ITGA8: variants seen among roughly 807,000 people sequenced by gnomAD.
ITGA8 encodes integrin subunit alpha 8.
ITGA8 carries 91 observed loss-of-function variants against 142.3 expected under a neutral mutation model. The observed-to-expected ratio is 0.64, with a 90% confidence interval of 0.54 to 0.76. ITGA8 has a LOEUF of 0.76. Among genes scored for constraint, ITGA8 ranks in the 30% least tolerant of loss-of-function variants. The pLI is 0.00. For missense variants in ITGA8, 1,406 were observed against 1,327.7 expected (o/e 1.06, Z -0.92); for synonymous variants, 505 against 485.2 (o/e 1.04, Z -0.54).
chr10:15,629,048 C>T (rs1293439064), intron 13 of ITGA8, among the ~76,000 whole-genome samples: 1 of 151,722 alleles, frequency 6.6e-6, no homozygotes, highest in Non-Finnish European at 1.5e-5. Flanking sequence ...AATTTAGGTA[C>T]CCCTACTCAC....
intron 23 of ITGA8, among the ~76,000 whole-genome samples, chr10:15,575,944 T>C (rs1193253386): frequency 6.8e-6 from 1 of 147,558 alleles, no homozygotes; most frequent in Admixed American, 6.7e-5. Flanking sequence ...TGAGAACGTG[T>C]GTGTGTGTGT....
intron 27 of ITGA8, among the ~76,000 whole-genome samples, chr10:15,532,334 G>T (rs1355133612): frequency 1.4e-5 from 2 of 142,208 alleles, no homozygotes; most frequent in Non-Finnish European, 3.0e-5. Context: ...CGGGAGAGTT[G>T]CTTGAACCTG....
chr10:15,669,569 C>T (rs558798586), intron 8 of ITGA8, among the ~76,000 whole-genome samples: 1 of 152,198 alleles, frequency 6.6e-6, no homozygotes, highest in African/African-American at 2.4e-5. Context: ...TGAGAGGCTG[C>T]GTTCCTTTGG....
At chr10:15,579,589 A>G (rs764515999) in intron 23 of ITGA8, among the ~76,000 whole-genome samples, 6 of 152,100 alleles carry the variant, frequency 3.9e-5, no homozygotes, top group Non-Finnish European at 7.4e-5. Flanking sequence ...ATATACATTA[A>G]TTGTAAATTT....
At chr10:15,708,783 TC>T (rs1404971369) in intron 2 of ITGA8, among the ~76,000 whole-genome samples, 1 of 152,144 alleles carries the variant, frequency 6.6e-6, no homozygotes, top group Non-Finnish European at 1.5e-5. Context: ...AATGTCAATT[TC>T]AGGTGGAAGC....
intron 26 of ITGA8, among the ~76,000 whole-genome samples, chr10:15,551,571 GA>G (rs1425571988): frequency 6.6e-6 from 1 of 152,134 alleles, no homozygotes; most frequent in Non-Finnish European, 1.5e-5. Context: ...CCCACTATGA[GA>G]AAGGGAAGGG....
rs1249163090 is a variant in ITGA8 at position 15,558,158 on chromosome 10, C to T, written c.2682G>A (p.Leu894=). Reference sequence around the variant, plus strand: ...CAAGATGAGGAATAGTAGAGTTTCGCAAAAAGGCGCTGAGCTCAGGGGTGT... The same window carrying T: ...CAAGATGAGGAATAGTAGAGTTTCGTAAAAAGGCGCTGAGCTCAGGGGTGT... The part of the protein sequence containing the change: ...PEDTPELSAF[L]RNSTIPHLVR... Residue 894 remains leucine (L), a synonymous_variant, in exon 26 of 30, where the codon TTG becomes TTA. Coordinates refer to ENST00000378076, the MANE Select transcript of ITGA8 (RefSeq NM_003638.3). 1.2e-6 allele frequency: 2 copies of T among 1,614,198 alleles called. No individual in the cohort carries two copies. Among genetic ancestry groups the T allele is most frequent in the East Asian group, 2.2e-5 (1 of 44,880 alleles).
At chr10:15,535,699 C>G (rs578188588) in intron 27 of ITGA8, among the ~76,000 whole-genome samples, 1 of 152,124 alleles carries the variant, frequency 6.6e-6, no homozygotes, top group Non-Finnish European at 1.5e-5. Context: ...CCACTGGGCT[C>G]TCTGTAAAAT....
chr10:15,681,955 A>C (rs1834745393), intron 4 of ITGA8, among the ~76,000 whole-genome samples: 1 of 152,194 alleles, frequency 6.6e-6, no homozygotes, highest in Non-Finnish European at 1.5e-5. Flanking sequence ...TATCTTTAGC[A>C]TAACAATACT....
In ITGA8 at chr10:15,531,095, C is replaced by T; in HGVS notation, c.2937G>A (p.Met979Ile). ...GTTTTGCTGGCTGATCTGTATAAGG[C>T]ATCTTCTTAACTTCAAAGGACACCA... ...ASLVSFEVKK[M>I]PYTDQPAKLP... Residue 979 changes from methionine (M) to isoleucine (I), a missense_variant, in exon 28 of 30, where the codon ATG becomes ATA. Transcript: ENST00000378076. 1 of 1,586,372 alleles carries T rather than the reference C, an allele frequency of 6.3e-7. No homozygotes were observed. The highest frequency in any genetic ancestry group is 8.5e-7 in the Non-Finnish European group (1 of 1,169,948).
chr10:15,704,906 T>C (rs1158755534), intron 2 of ITGA8, among the ~76,000 whole-genome samples: 1 of 152,248 alleles, frequency 6.6e-6, no homozygotes, highest in Non-Finnish European at 1.5e-5. Flanking sequence ...CATGGTCTTA[T>C]ATTTCTAAGA....
chr10:15,517,178 C>G lies in ITGA8; in HGVS notation c.3172G>C (p.Asp1058His). The change falls in exon 30 of 30, where the codon GAC (aspartate) becomes CAC (histidine). Residue 1058 changes from aspartate (D) to histidine (H), a missense_variant. Physicochemically the swap from Asp to His is moderately conservative, Grantham distance 81. Coordinates refer to ENST00000378076, the MANE Select transcript of ITGA8 (RefSeq NM_003638.3). Reference sequence around the variant, plus strand: ...TCTTGTCATGCCTCAGGGGTCTTGTCATTTGTCAGCTGTTCCCTGTCGGTC... The same window carrying G: ...TCTTGTCATGCCTCAGGGGTCTTGTGATTTGTCAGCTGTTCCCTGTCGGTC... ...DMTDREQLTNDKTPEA is the reference protein window; with the variant it reads ...DMTDREQLTNHKTPEA The G allele has an allele frequency of 6.2e-7, 1 of 1,613,024 alleles. No homozygotes were observed. Among genetic ancestry groups the G allele is most frequent in the Non-Finnish European group, 8.5e-7 (1 of 1,179,348 alleles).
chr10:15,518,464 C>T lies in ITGA8; in HGVS notation c.3105+826G>A, dbSNP rs183192940. Among the ~76,000 whole-genome samples the T allele has an allele frequency of 1.7e-3, 257 of 152,366 alleles. 1 individual carries two copies. The highest frequency in any genetic ancestry group is 2.0e-3 in the Non-Finnish European group (134 of 68,040). On this transcript the variant is annotated intron_variant, in intron 29 of 29. Transcript: ENST00000378076. ...CTGATAACGATCAGAAACGCCATTC[C>T]TTAACTCAAAGCCAAGGTTTTCTCA...
chr10:15,552,697 C>T (rs921277757), intron 26 of ITGA8, among the ~76,000 whole-genome samples: 2 of 152,174 alleles, frequency 1.3e-5, no homozygotes, highest in Non-Finnish European at 2.9e-5. Flanking sequence ...CCCTCACCCC[C>T]GGGCAGGCCC....
chr10:15,620,260 C>T (rs1002181054), intron 13 of ITGA8, among the ~76,000 whole-genome samples: 3 of 152,084 alleles, frequency 2.0e-5, no homozygotes, highest in African/African-American at 7.2e-5. Context: ...ATGTCAACTG[C>T]AGCTAAATTC....
At chr10:15,537,689 C>A (rs1414552172) in intron 27 of ITGA8, among the ~76,000 whole-genome samples, 2 of 152,134 alleles carry the variant, frequency 1.3e-5, no homozygotes, top group African/African-American at 4.8e-5. Flanking sequence ...AGGAGTCCTG[C>A]CTCATTGAAA....
intron 24 of ITGA8, among the ~76,000 whole-genome samples, chr10:15,574,666 G>A (rs1420997946): frequency 6.6e-6 from 1 of 151,770 alleles, no homozygotes; most frequent in Non-Finnish European, 1.5e-5. Context: ...TGGGATTACA[G>A]GCGTGAGCCA....
chr10:15,544,526 G>C (rs549634498), intron 27 of ITGA8, among the ~76,000 whole-genome samples: 59 of 152,266 alleles, frequency 3.9e-4, no homozygotes, highest in African/African-American at 1.4e-3. Context: ...CCCAAGAAAT[G>C]AATCTATTGA....
intron 11 of ITGA8, among the ~76,000 whole-genome samples, chr10:15,649,284 G>T (rs1214927319): frequency 6.6e-6 from 1 of 151,686 alleles, no homozygotes; most frequent in Non-Finnish European, 1.5e-5. Context: ...ACTATATATT[G>T]TTACAATCAA....
Sources: allele counts gnomAD v4.1 joint callset (sites outside exome capture counted in the v4.1 genomes callset), GRCh38; gene constraint gnomAD v4.1.1; transcripts MANE v1.5; gene names NCBI Gene and HGNC (gene_info 2026-07-23, HGNC 2026-07-21).